SOX5: variants seen among roughly 807,000 people sequenced by gnomAD.
The protein encoded by SOX5 is transcription factor SOX-5.
A neutral mutation model predicts 92.0 loss-of-function variants in SOX5; 9 were observed. The observed-to-expected ratio is 0.10, with a 90% CI of 0.06 to 0.17. The LOEUF (loss-of-function observed/expected upper bound fraction) is 0.17, where lower values mean the gene tolerates loss of function less well. SOX5 is among the 10% of genes least tolerant of loss of function. The probability of loss-of-function intolerance (pLI) is 1.00; values close to 1 mark genes in which losing one functional copy is unlikely to be tolerated. For missense variants in SOX5, 642 were observed against 944.5 expected (o/e 0.68, Z 4.20); for synonymous variants, 344 against 336.3 (o/e 1.02, Z -0.25).
chr12:23,988,242 G>A lies in SOX5; in HGVS notation c.-1-92218C>T, dbSNP rs548377836. Among the ~76,000 whole-genome samples, 16 of 152,250 alleles carry A rather than the reference G, an allele frequency of 1.1e-4. No individual in the cohort carries two copies. In the South Asian group the frequency reaches 2.7e-3, roughly 26 times the overall value. Reference sequence around the variant, plus strand: ...TCTATTTTGGCCATGTAATACTTAAGATGCATATCAGACATTTGGGTCACC... The same window carrying A: ...TCTATTTTGGCCATGTAATACTTAAAATGCATATCAGACATTTGGGTCACC... On this transcript the variant is annotated intron_variant, in intron 4 of 4. Coordinates refer to the SOX5 transcript ENST00000446891.
chr12:23,626,704 C>G (rs1592710459), intron 8 of SOX5, among the ~76,000 whole-genome samples: 1 of 102,656 alleles, frequency 9.7e-6, no homozygotes, highest in Non-Finnish European at 1.9e-5. Flanking sequence ...TTATCCCTTT[C>G]TCCATGAGAT....
intron 9 of SOX5, 195 bp downstream of exon 9, chr12:23,604,192 T>A (rs909814761): frequency 1.8e-6 from 1 of 567,254 alleles, no homozygotes; most frequent in Admixed American, 3.0e-5. Flanking sequence ...TACACGCATA[T>A]TGAATAAATG....
At chr12:24,126,667 A>T (rs1272827102) in intron 4 of SOX5, among the ~76,000 whole-genome samples, 1 of 152,180 alleles carries the variant, frequency 6.6e-6, no homozygotes, top group Non-Finnish European at 1.5e-5. Flanking sequence ...TGCATTCCCT[A>T]GCTAAAATAA....
intron 1 of SOX5, among the ~76,000 whole-genome samples, chr12:24,449,713 T>C (rs1340684374): frequency 6.6e-6 from 1 of 152,224 alleles, no homozygotes; most frequent in African/African-American, 2.4e-5. Context: ...CTTAAAATCT[T>C]CTAGATCTTT....
At chr12:23,864,619 A>C (rs573418781) in intron 2 of SOX5, among the ~76,000 whole-genome samples, 1 of 152,318 alleles carries the variant, frequency 6.6e-6, no homozygotes, top group East Asian at 1.9e-4. Flanking sequence ...GCAGCCACAA[A>C]ATTCATTTAA....
chr12:23,679,098 G>A (rs1013692421), intron 6 of SOX5, among the ~76,000 whole-genome samples: 6 of 152,126 alleles, frequency 3.9e-5, no homozygotes, highest in African/African-American at 1.4e-4. Context: ...GATCCTGGAT[G>A]CATAATAACC....
At chr12:23,614,852 A>T (rs1023673558) in intron 8 of SOX5, among the ~76,000 whole-genome samples, 11 of 152,194 alleles carry the variant, frequency 7.2e-5, no homozygotes, top group African/African-American at 2.7e-4. Context: ...CCCAGGCTGG[A>T]GTGCAATGGC....
chr12:23,696,344 G>A (rs2089860621), intron 6 of SOX5, among the ~76,000 whole-genome samples: 1 of 152,128 alleles, frequency 6.6e-6, no homozygotes, highest in Admixed American at 6.6e-5. Context: ...CCTTGAGCGA[G>A]CTTTGGTAGT....
intron 1 of SOX5, among the ~76,000 whole-genome samples, chr12:24,369,303 G>C (rs908939407): frequency 2.6e-5 from 4 of 152,132 alleles, no homozygotes; most frequent in African/African-American, 9.7e-5. Context: ...ATTTACAGTG[G>C]GTGGTTTGGG....
intron 1 of SOX5, among the ~76,000 whole-genome samples, chr12:24,381,921 T>C (rs74070027): frequency 2.9e-4 from 44 of 152,286 alleles, no homozygotes; most frequent in African/African-American, 1.0e-3. Flanking sequence ...AAGAAAACAA[T>C]GTACATTATT....
At chr12:23,682,836 T>C (rs192130985) in intron 6 of SOX5, among the ~76,000 whole-genome samples, 17 of 151,896 alleles carry the variant, frequency 1.1e-4, no homozygotes, top group Middle Eastern at 3.4e-3. Context: ...GGAAATAAGA[T>C]GAAAGCTGAC....
In SOX5 at chr12:24,265,607, T is replaced by C. The variant is rs184918655; in HGVS notation, c.-77+11609A>G. On this transcript the variant is annotated intron_variant, in intron 3 of 4. Coordinates refer to the SOX5 transcript ENST00000446891. ...ATTGATATTTATGGTTTAAAAGTGA[T>C]ATGCATTTTTCTTAAAATGAAAGTA... Among the ~76,000 whole-genome samples the C allele has an allele frequency of 5.1e-3, 773 of 152,304 alleles. 6 individuals are homozygous for C. Among genetic ancestry groups the C allele is most frequent in the Non-Finnish European group, 7.8e-3 (530 of 68,022 alleles).
chr12:24,213,468 C>G (rs1395274399), intron 3 of SOX5: 2 of 103,270 alleles, frequency 1.9e-5, no homozygotes, highest in Non-Finnish European at 4.3e-5. Flanking sequence ...AAAATTGAAA[C>G]AAAGAAAGAA....
chr12:24,306,528 G>A (rs892367130), intron 2 of SOX5, among the ~76,000 whole-genome samples: 2 of 152,182 alleles, frequency 1.3e-5, no homozygotes, highest in Non-Finnish European at 2.9e-5. Flanking sequence ...TCTTCTTCAG[G>A]CTTTGCTTGC....
chr12:23,656,156 A>G (rs1050546729), intron 7 of SOX5, among the ~76,000 whole-genome samples: 19 of 151,460 alleles, frequency 1.3e-4, no homozygotes, highest in African/African-American at 4.6e-4. Context: ...GACTGTGACT[A>G]CTAAGGTCTT....
intron 1 of SOX5, among the ~76,000 whole-genome samples, chr12:24,507,328 T>C (rs1481425901): frequency 2.6e-5 from 4 of 151,726 alleles, no homozygotes; most frequent in Non-Finnish European, 5.9e-5. Flanking sequence ...GGATAGACTA[T>C]GGAACCTGAA....
intron 3 of SOX5, among the ~76,000 whole-genome samples, chr12:23,829,066 T>C (rs1217700349): frequency 2.0e-5 from 3 of 151,760 alleles, no homozygotes; most frequent in Non-Finnish European, 4.4e-5. Flanking sequence ...CTGAGTGAGC[T>C]CTCCACTGAC....
intron 6 of SOX5, among the ~76,000 whole-genome samples, chr12:23,713,647 CTGTGTGTGTG>C (rs138042111): frequency 6.8e-6 from 1 of 146,926 alleles, no homozygotes; most frequent in African/African-American, 2.5e-5. Context: ...TCCAGTGTCT[CTGTGTGTGTG>C]TGTGTGTATG....
At chr12:23,576,068 C>T (rs1949054613) in intron 9 of SOX5, among the ~76,000 whole-genome samples, 1 of 152,190 alleles carries the variant, frequency 6.6e-6, no homozygotes, top group African/African-American at 2.4e-5. Flanking sequence ...TACTCAACTA[C>T]CCACAGAAAG....
Sources: gnomAD v4.1 joint callset for allele counts (sites outside exome capture counted in the v4.1 genomes callset) on GRCh38, gnomAD v4.1.1 for gene constraint, MANE v1.5 for transcripts, NCBI Gene and HGNC (gene_info 2026-07-23, HGNC 2026-07-21) for gene names.